Variants in SHD observed in about 807,000 individuals in gnomAD.
The protein encoded by SHD is SH2 domain-containing adapter protein D.
A neutral mutation model predicts 31.2 loss-of-function variants in SHD; 29 were observed. The ratio of observed to expected loss-of-function variants is 0.93; its 90% confidence interval spans 0.69 to 1.27. The LOEUF is 1.27. Among genes scored for constraint, SHD ranks in the 50% most tolerant of loss-of-function variants. SHD has a pLI of 0.00. For synonymous variants in SHD, 208 were observed against 187.8 expected, an observed-to-expected ratio of 1.11 and a Z score of -0.88; for missense variants, 520 against 453.8, an observed-to-expected ratio of 1.15 and a Z score of -1.33.
At chr19:4,284,093 CA>C (rs1971284390) in intron 3 of SHD, among the ~76,000 whole-genome samples, 1 of 151,790 alleles carries the variant, frequency 6.6e-6, no homozygotes, top group Non-Finnish European at 1.5e-5. Flanking sequence ...CGTTTGAGGT[CA>C]GGAGTTCGAG....
chr19:4,282,805 T>C (rs1387993647), intron 1 of SHD, 65 bp from the exon 2 acceptor site: 1 of 1,385,414 alleles, frequency 7.2e-7, no homozygotes, highest in Admixed American at 1.7e-5. Flanking sequence ...AGGCAAGAGG[T>C]GCAGCGTCAA....
intron 5 of SHD, among the ~76,000 whole-genome samples, chr19:4,289,260 A>G (rs189375172): frequency 0.048 from 7,187 of 148,986 alleles, 418 homozygotes; most frequent in African/African-American, 0.14. Context: ...ACAGGCGCCC[A>G]CCACCACGCC....
At chr19:4,283,347 T>C in intron 3 of SHD, 105 bp downstream of exon 3, 1 of 1,202,002 alleles carries the variant, frequency 8.3e-7, no homozygotes, top group South Asian at 1.6e-5. Context: ...CAATTACTTG[T>C]CACTTTTGTA....
Position 4,283,061 on chromosome 19 carries a change from C to T in SHD, c.411C>T (p.Pro137=), listed in dbSNP as rs752501979. 19 of 1,613,554 alleles carry T rather than the reference C, an allele frequency of 1.2e-5. No homozygotes were observed. The highest frequency in any genetic ancestry group is 2.2e-5 in the East Asian group (1 of 44,872). Residue 137 remains proline (P), a synonymous_variant, in exon 3 of 6, where the codon CCC becomes CCT. Coordinates refer to ENST00000543264, the MANE Select transcript of SHD (RefSeq NM_020209.4). ...GTGTCCCTGGCCTCCTAGAACTTCC[C>T]GGCAGAGGGGTGCAGCTCTATGACA... ...YDAQWVMSEL[P]GRGVQLYDTP...
At chr19:4,281,166 C>T (rs1260338294) in intron 1 of SHD, among the ~76,000 whole-genome samples, 1 of 151,832 alleles carries the variant, frequency 6.6e-6, no homozygotes, top group Non-Finnish European at 1.5e-5. Context: ...CCCAGGCCAC[C>T]GGGTGCAGTA....
intron 1 of SHD, among the ~76,000 whole-genome samples, chr19:4,280,976 G>A (rs376626799): frequency 3.6e-4 from 54 of 151,852 alleles, no homozygotes; most frequent in African/African-American, 1.2e-3. Context: ...TTGGAACCTG[G>A]TGGGATCTTC....
Position 4,279,841 on chromosome 19 carries a change from T to C in SHD, c.-223T>C. 4 of 572,704 alleles carry C rather than the reference T, an allele frequency of 7.0e-6. No individual in the cohort carries two copies. The highest frequency in any genetic ancestry group is 3.0e-5 in the East Asian group (1 of 32,806). The allele number at this position is 572,704 out of a possible 1,614,324, so 35.5% of individuals were successfully genotyped here. On this transcript the variant is annotated 5_prime_UTR_variant, in exon 1 of 6. Transcript: ENST00000543264. The surrounding 1 kb of genome is among the most constrained non-coding windows in gnomAD (Gnocchi z 7.5). The stretch of plus-strand genomic sequence containing the variant: ...CTTCCCAAGCTGGGCTAAGGCGGGC[T>C]TCTCTTCCTCCCTCCTCTGTCGCCT...
At chr19:4,285,014 C>T in intron 4 of SHD, 110 bp downstream of exon 4, 3 of 1,257,028 alleles carry the variant, frequency 2.4e-6, no homozygotes, top group Non-Finnish European at 3.1e-6. Context: ...GGGGGAACTT[C>T]GATTCATTCA....
chr19:4,285,840 G>A (rs938524828), intron 4 of SHD, among the ~76,000 whole-genome samples: 41 of 146,120 alleles, frequency 2.8e-4, no homozygotes, highest in Middle Eastern at 3.7e-3. Flanking sequence ...GAGCCACCCC[G>A]CCCGGCCCTT....
intron 4 of SHD, among the ~76,000 whole-genome samples, chr19:4,286,533 C>T (rs1306099440): frequency 6.6e-6 from 1 of 152,050 alleles, no homozygotes; most frequent in Non-Finnish European, 1.5e-5. Context: ...TTGTGAACAA[C>T]AGCAAAGGCT....
chr19:4,284,728 GC>G (rs1158350042), intron 3 of SHD, 52 bp from the exon 4 acceptor site: 9 of 1,407,460 alleles, frequency 6.4e-6, no homozygotes, highest in African/African-American at 2.9e-5. Context: ...CCCCTGCCCC[GC>G]CCCCCAAGGT....
intron 4 of SHD, among the ~76,000 whole-genome samples, chr19:4,285,518 G>A (rs189347802): frequency 6.6e-6 from 1 of 152,088 alleles, no homozygotes; most frequent in African/African-American, 2.4e-5. Context: ...CTCTGAGGCC[G>A]AGGGTGTGAA....
At position 4,290,595 on chromosome 19, in the gene SHD, C is replaced by G; in HGVS notation, c.985C>G (p.Leu329Val). The G allele has an allele frequency of 1.2e-6, 2 of 1,613,174 alleles. No homozygotes were observed. Among genetic ancestry groups the G allele is most frequent in the Non-Finnish European group, 1.7e-6 (2 of 1,179,668 alleles). The change falls in exon 6 of 6, where the codon CTG becomes GTG. Residue 329 changes from leucine (L) to valine (V), a missense_variant. Physicochemically the swap from Leu to Val is conservative, Grantham distance 32. Coordinates refer to ENST00000543264, the MANE Select transcript of SHD (RefSeq NM_020209.4). Reference sequence around the variant, plus strand: ...ACTGCCGGTGCAGGGTGCCGAGCATCTGGCTCTGCTGTACCCCGTGGTCAC... The same window carrying G: ...ACTGCCGGTGCAGGGTGCCGAGCATGTGGCTCTGCTGTACCCCGTGGTCAC... ...RPLPVQGAEH[L>V]ALLYPVVTQT... is the part of the protein sequence containing the mutation.
intron 4 of SHD, among the ~76,000 whole-genome samples, chr19:4,286,811 T>G (rs1277083758): frequency 6.7e-6 from 1 of 149,142 alleles, no homozygotes; most frequent in Non-Finnish European, 1.5e-5. Context: ...ACCTGCGAGG[T>G]GGAGGTTGCA....
Position 4,283,227 on chromosome 19 carries a change from T to G in SHD, c.577T>G (p.Ser193Ala). Reference sequence around the variant, plus strand: ...CTGGGAGTGGAAGAAAGACCACATCTCCAGGGCGTTTGCAGGTGCTTCTCA... The same window carrying G: ...CTGGGAGTGGAAGAAAGACCACATCGCCAGGGCGTTTGCAGGTGCTTCTCA... Reference protein sequence around the residue: ...QPWEWKKDHISRAFAVQFDSP... With the variant: ...QPWEWKKDHIARAFAVQFDSP... Residue 193 changes from serine to alanine, a missense_variant, in exon 3 of 6, where the codon TCC becomes GCC. Transcript: ENST00000543264. 3 of 1,612,516 alleles carry G rather than the reference T, an allele frequency of 1.9e-6. No homozygotes were observed. Among genetic ancestry groups the G allele is most frequent in the Non-Finnish European group, 2.5e-6 (3 of 1,178,722 alleles).
chr19:4,285,884 C>CTT, intron 4 of SHD, among the ~76,000 whole-genome samples: 1 of 108,800 alleles, frequency 9.2e-6, no homozygotes, highest in Non-Finnish European at 1.9e-5. Context: ...CTTTTCTTTT[C>CTT]CTTTCTTTTT....
chr19:4,289,456 G>A (rs982033189), intron 5 of SHD, among the ~76,000 whole-genome samples: 2 of 151,874 alleles, frequency 1.3e-5, no homozygotes, highest in African/African-American at 4.8e-5. Flanking sequence ...ATGTTGGCCA[G>A]GCTGGTCTCA....
At chr19:4,286,206 C>CTTTCTTTCTTTCTTTCTTTCTTTCT (rs1260207226) in intron 4 of SHD, among the ~76,000 whole-genome samples, 1 of 111,184 alleles carries the variant, frequency 9.0e-6, no homozygotes, top group Non-Finnish European at 1.9e-5. Context: ...CTTTCTTTTT[C>CTTTCTTTCTTTCTTTCTTTCTTTCT]TTTCTTTCTT....
chr19:4,289,499 G>A (rs1197825834), intron 5 of SHD, among the ~76,000 whole-genome samples: 1 of 151,912 alleles, frequency 6.6e-6, no homozygotes, highest in East Asian at 1.9e-4. Flanking sequence ...GCCTGACTCG[G>A]CCTCCCAAAG....
Sources: gnomAD v4.1 joint callset for allele counts (sites outside exome capture counted in the v4.1 genomes callset) on GRCh38, gnomAD v4.1.1 for gene constraint, Gnocchi (gnomAD v3.1) non-coding constraint, MANE v1.5 for transcripts, NCBI Gene and HGNC (gene_info 2026-07-23, HGNC 2026-07-21) for gene names.